Variants in LINGO2 observed in about 807,000 individuals in gnomAD.
The protein encoded by LINGO2 is leucine rich repeat and Ig domain containing 2, also known as leucine-rich repeat and immunoglobulin-like domain-containing nogo receptor-interacting protein 2.
A neutral mutation model predicts 30.6 loss-of-function variants in LINGO2; 14 were observed. The ratio of observed to expected loss-of-function variants is 0.46; its 90% CI spans 0.30 to 0.72. The LOEUF (loss-of-function observed/expected upper bound fraction) is 0.72. Ranked by LOEUF, LINGO2 falls within the 30% of genes least tolerant of loss-of-function variation. LINGO2 has a pLI of 0.07. For synonymous variants in LINGO2, 317 were observed against 288.5 expected, an observed-to-expected ratio of 1.10 and a Z score of -1.00; for missense variants, 729 against 751.7, an observed-to-expected ratio of 0.97 and a Z score of 0.35.
chr9:29,114,180 AT>A, the LINGO2 span, among the ~76,000 whole-genome samples: 2 of 149,316 alleles, frequency 1.3e-5, no homozygotes, highest in African/African-American at 2.5e-5. Context: ...TAATATATAT[AT>A]TTTTTTTAAG....
In LINGO2 at chr9:28,608,908, C is replaced by T. The variant is rs574285409; in HGVS notation, c.-365+61292G>A. On this transcript the variant is annotated intron_variant, in intron 1 of 5. Transcript: ENST00000379992. ...ATTGAGTTCATTTGTACATTCCTGTCTTTTAAAAAGTGGGAGATATATATT... is the reference window on the plus strand; with the variant it reads ...ATTGAGTTCATTTGTACATTCCTGTTTTTTAAAAAGTGGGAGATATATATT... 2.6e-5 allele frequency among the ~76,000 whole-genome samples: 4 copies of T among 151,928 alleles called. No homozygotes were observed. In the South Asian group the frequency reaches 8.3e-4, roughly 31 times the overall value.
chr9:28,981,032 T>C, the LINGO2 span, among the ~76,000 whole-genome samples: 1 of 152,086 alleles, frequency 6.6e-6, no homozygotes, highest in Non-Finnish European at 1.5e-5. Flanking sequence ...GCCACTAGCA[T>C]TATGAACCAT....
rs776166159 is a variant in LINGO2, at chr9:28,329,796, T to C, written c.-245-34430A>G. Among the ~76,000 whole-genome samples the C allele has an allele frequency of 7.2e-5, 11 of 152,164 alleles. No homozygotes were observed. Among genetic ancestry groups the C allele is most frequent in the South Asian group, 2.1e-4 (1 of 4,830 alleles). Reference sequence around the variant, plus strand: ...CATCCTGACCCCACCCTGAATTAGATAGCCATCCTCTGGGGTTTTATATCA... The same window carrying C: ...CATCCTGACCCCACCCTGAATTAGACAGCCATCCTCTGGGGTTTTATATCA... On this transcript the variant is annotated intron_variant, in intron 3 of 5. Transcript: ENST00000379992. The surrounding 1 kb of genome is among the most constrained non-coding windows in gnomAD (Gnocchi z 4.5).
intron 4 of LINGO2, among the ~76,000 whole-genome samples, chr9:28,217,622 T>C (rs1820814367): frequency 6.6e-6 from 1 of 152,050 alleles, no homozygotes; most frequent in Non-Finnish European, 1.5e-5. Context: ...TCTAATGTCC[T>C]TATTTTCCCA....
At chr9:28,181,703 G>A (rs1414346561) in intron 4 of LINGO2, among the ~76,000 whole-genome samples, 1 of 152,162 alleles carries the variant, frequency 6.6e-6, no homozygotes, top group Non-Finnish European at 1.5e-5. Flanking sequence ...GTCAGCAGCA[G>A]GGTTCATTCT....
At chr9:28,437,407 T>C (rs1184827314) in intron 2 of LINGO2, among the ~76,000 whole-genome samples, 2 of 152,098 alleles carry the variant, frequency 1.3e-5, no homozygotes, top group African/African-American at 4.8e-5. Context: ...GCTGTCACAA[T>C]TGGCCGCAGA....
the LINGO2 span, among the ~76,000 whole-genome samples, chr9:28,774,018 G>C: frequency 6.7e-6 from 1 of 149,212 alleles, no homozygotes; most frequent in African/African-American, 2.5e-5. Context: ...AGGTATGTGG[G>C]CCAAATGTCA....
At chr9:28,314,585 C>T (rs1314769566) in intron 3 of LINGO2, among the ~76,000 whole-genome samples, 1 of 152,174 alleles carries the variant, frequency 6.6e-6, no homozygotes, top group East Asian at 1.9e-4. Context: ...CAGAGCTAGG[C>T]TTTTGTTGAT....
intron 2 of LINGO2, among the ~76,000 whole-genome samples, chr9:28,383,631 T>C (rs536051386): frequency 6.6e-6 from 1 of 152,056 alleles, no homozygotes; most frequent in Admixed American, 6.6e-5. Flanking sequence ...GAGGGGTTTG[T>C]CACTTCCAAG....
chr9:28,291,531 A>G (rs1038254300), intron 4 of LINGO2, among the ~76,000 whole-genome samples: 1 of 152,190 alleles, frequency 6.6e-6, no homozygotes, highest in Non-Finnish European at 1.5e-5. Flanking sequence ...AGTTTTTTTA[A>G]AAGAACCAAA....
chr9:29,124,756 A>T, the LINGO2 span, among the ~76,000 whole-genome samples: 1 of 152,286 alleles, frequency 6.6e-6, no homozygotes, highest in South Asian at 2.1e-4. Flanking sequence ...AAAAGTCAGG[A>T]AACAAAAGAT....
intron 2 of LINGO2, among the ~76,000 whole-genome samples, chr9:28,389,888 A>G (rs1821755295): frequency 6.6e-6 from 1 of 152,176 alleles, no homozygotes; most frequent in East Asian, 1.9e-4. Flanking sequence ...ATGTAGTCTG[A>G]TATGTTTCTA....
chr9:28,415,893 T>C (rs1822949014), intron 2 of LINGO2, among the ~76,000 whole-genome samples: 1 of 152,192 alleles, frequency 6.6e-6, no homozygotes, highest in Non-Finnish European at 1.5e-5. Flanking sequence ...AGTATATTTA[T>C]ATGAACTGCA....
chr9:29,125,239 A>G, the LINGO2 span, among the ~76,000 whole-genome samples: 6 of 152,204 alleles, frequency 3.9e-5, no homozygotes, highest in East Asian at 1.2e-3. Flanking sequence ...GGAGGGGAAT[A>G]TCACACACCA....
intron 2 of LINGO2, among the ~76,000 whole-genome samples, chr9:28,438,781 G>T (rs1043032648): frequency 1.3e-5 from 2 of 149,564 alleles, no homozygotes; most frequent in Admixed American, 6.7e-5. Context: ...AAAGCCAGCT[G>T]TGGAAGATAG....
In LINGO2 at chr9:28,249,982, C is replaced by A. The variant is rs901779738; in HGVS notation, c.-87+45226G>T. Among the ~76,000 whole-genome samples the A allele has an allele frequency of 1.3e-5, 2 of 152,064 alleles. 1 individual carries two copies. The highest frequency in any genetic ancestry group is 2.9e-5 in the Non-Finnish European group (2 of 68,010). On this transcript the variant is annotated intron_variant, in intron 4 of 5. Coordinates refer to ENST00000379992, the Ensembl canonical transcript of LINGO2. ...TAGAAGGGGCAGCGTTTGGGTACCA[C>A]AATTATTATCCTTCACTCTGGTACT... is the stretch of plus-strand genomic sequence containing the variant.
chr9:28,500,587 C>T lies in LINGO2; in HGVS notation c.-364-24562G>A, dbSNP rs140797362. 2.9e-3 allele frequency among the ~76,000 whole-genome samples: 445 copies of T among 151,176 alleles called. 4 individuals carry two copies. The highest frequency in any genetic ancestry group is 1.0e-2 in the African/African-American group (411 of 41,152). ...AGGCAAGATATTTTCTCAGAATGCACGACAAAAAAAATAAGGAGATAAGAA... is the reference window on the plus strand; with the variant it reads ...AGGCAAGATATTTTCTCAGAATGCATGACAAAAAAAATAAGGAGATAAGAA... On this transcript the variant is annotated intron_variant, in intron 1 of 5. Transcript: ENST00000379992.
the LINGO2 span, among the ~76,000 whole-genome samples, chr9:28,881,345 A>G: frequency 7.9e-5 from 12 of 152,026 alleles, no homozygotes; most frequent in Non-Finnish European, 2.9e-5. Flanking sequence ...GCTGGTCTCG[A>G]ACCCCTGACC....
chr9:29,164,727 AAC>A, the LINGO2 span, among the ~76,000 whole-genome samples: 1 of 151,876 alleles, frequency 6.6e-6, no homozygotes, highest in Non-Finnish European at 1.5e-5. Context: ...CACACACACA[AAC>A]ACACACATTC....
Sources: gnomAD v4.1 joint callset for allele counts (sites outside exome capture counted in the v4.1 genomes callset) on GRCh38, gnomAD v4.1.1 for gene constraint, Gnocchi (gnomAD v3.1) non-coding constraint, MANE v1.5 for transcripts, NCBI Gene and HGNC (gene_info 2026-07-23, HGNC 2026-07-21) for gene names.